The following INPP5F variants were observed in gnomAD, a reference collection of about 807,000 sequenced individuals.
The protein encoded by INPP5F is phosphatidylinositide 4-phosphatase SAC2.
A neutral mutation model predicts 137.2 loss-of-function variants in INPP5F; 97 were observed. The observed-to-expected ratio is 0.71, with a 90% CI of 0.60 to 0.84. INPP5F has a LOEUF of 0.84. Ranked by LOEUF, INPP5F falls within the 40% of genes least tolerant of loss-of-function variation. The pLI, the probability that INPP5F is intolerant of heterozygous loss-of-function variation, is 0.00. For missense variants in INPP5F, 1,271 were observed against 1,371.9 expected (o/e 0.93, Z 1.16); for synonymous variants, 504 against 476.9 (o/e 1.06, Z -0.74).
intron 3 of INPP5F, among the ~76,000 whole-genome samples, chr10:119,784,727 C>T (rs1849819571): frequency 6.6e-6 from 1 of 152,170 alleles, no homozygotes; most frequent in Non-Finnish European, 1.5e-5. Flanking sequence ...TTACAGTTCA[C>T]CCGTTTAAAG....
intron 1 of INPP5F, among the ~76,000 whole-genome samples, chr10:119,741,398 C>T (rs955735200): frequency 1.3e-5 from 2 of 152,194 alleles, no homozygotes; most frequent in African/African-American, 4.8e-5. Context: ...TTCCTGCTCC[C>T]TGTCTTATTC....
At position 119,827,625 on chromosome 10, in the gene INPP5F, G is replaced by C. The variant is rs150666479; in HGVS notation, c.3244G>C (p.Ala1082Pro). Residue 1082 changes from alanine (A) to proline (P), a missense_variant, in exon 20 of 20, where the codon GCT (alanine) becomes CCT (proline). Coordinates refer to ENST00000650623, the MANE Select transcript of INPP5F (RefSeq NM_014937.4). Reference sequence around the variant, plus strand: ...GATTCGAAGTTCCATGGTCCAGGTTGCTAGTATTACCCAAGCTGGATTAAC... The same window carrying C: ...GATTCGAAGTTCCATGGTCCAGGTTCCTAGTATTACCCAAGCTGGATTAAC... ...AKIRSSMVQV[A>P]SITQAGLTHG... 3.0e-5 allele frequency: 49 copies of C among 1,614,042 alleles called. No homozygotes were observed. The highest frequency in any genetic ancestry group is 3.7e-5 in the Non-Finnish European group (44 of 1,180,036).
At chr10:119,817,023 G>C (rs1461740449) in intron 15 of INPP5F, among the ~76,000 whole-genome samples, 1 of 152,084 alleles carries the variant, frequency 6.6e-6, no homozygotes, top group African/African-American at 2.4e-5. Flanking sequence ...CCATCCCTAA[G>C]CAACCACTAA....
intron 6 of INPP5F, among the ~76,000 whole-genome samples, chr10:119,795,451 C>T (rs192227615): frequency 0.016 from 2,339 of 149,624 alleles, 27 homozygotes; most frequent in Middle Eastern, 0.072. Flanking sequence ...GGCGGCAGGG[C>T]AGAGGTGCTC....
rs180996886 is a variant in INPP5F, at chr10:119,766,072, G to A, written c.178+14916G>A. On this transcript the variant is annotated intron_variant, in intron 2 of 19. Transcript: ENST00000650623. ...AGCCCAAAAACTGAGAATCAGGGGAGTCAGTGATGTAAGTCTCAGTTGGAA... is the reference window on the plus strand; with the variant it reads ...AGCCCAAAAACTGAGAATCAGGGGAATCAGTGATGTAAGTCTCAGTTGGAA... Among the ~76,000 whole-genome samples, 48 of 152,104 alleles carry A rather than the reference G, an allele frequency of 3.2e-4. 3 individuals carry two copies. The highest frequency in any genetic ancestry group is 1.1e-3 in the African/African-American group (47 of 41,486).
At chr10:119,802,131 C>G (rs1309799098) in intron 9 of INPP5F, among the ~76,000 whole-genome samples, 5 of 152,144 alleles carry the variant, frequency 3.3e-5, no homozygotes, top group Non-Finnish European at 5.9e-5. Flanking sequence ...TGGGGGAAGT[C>G]TCCTGGGAGG....
intron 6 of INPP5F, among the ~76,000 whole-genome samples, chr10:119,792,567 GTTTTTTTTTT>G (rs397847812): frequency 1.7e-4 from 21 of 124,640 alleles, no homozygotes; most frequent in Admixed American, 4.1e-4. Flanking sequence ...AATGGTACCA[GTTTTTTTTTT>G]TTTTTTTTTT....
In INPP5F at chr10:119,798,558, T is replaced by C; in HGVS notation, c.1064T>C (p.Val355Ala). The change falls in exon 9 of 20, where the codon GTT becomes GCT. Residue 355 changes from valine (V) to alanine (A), a missense_variant. By Grantham distance (64) the Val-to-Ala change is moderately conservative (BLOSUM62 0). Transcript: ENST00000650623. ...TTCTTTGTAGGTGAAAAGGAAACTG[T>C]TGCCTATTTCTGTGCCCATTTCGAA... ...PRLDRSEKET[V>A]AYFCAHFEEQ... is the part of the protein sequence containing the mutation. 1 of 1,612,368 alleles carries C rather than the reference T, an allele frequency of 6.2e-7. No homozygotes were observed. The highest frequency in any genetic ancestry group is 8.5e-7 in the Non-Finnish European group (1 of 1,179,160).
At chr10:119,777,857 T>TA (rs1849576469) in intron 2 of INPP5F, among the ~76,000 whole-genome samples, 1 of 152,158 alleles carries the variant, frequency 6.6e-6, no homozygotes, top group African/African-American at 2.4e-5. Context: ...CACCCTACTT[T>TA]ATAAGGAATT....
At chr10:119,788,421 A>G (rs1187290558) in intron 3 of INPP5F, among the ~76,000 whole-genome samples, 1 of 152,188 alleles carries the variant, frequency 6.6e-6, no homozygotes, top group African/African-American at 2.4e-5. Flanking sequence ...TACACCCACA[A>G]AGGAGACTGA....
In INPP5F at chr10:119,823,816, T is replaced by G. The variant is rs749379391; in HGVS notation, c.2163T>G (p.Asp721Glu). 3.7e-6 allele frequency: 6 copies of G among 1,612,516 alleles called. No homozygotes were observed. In the Admixed American group the frequency reaches 1.0e-4, roughly 27 times the overall value. ...VMRNPEEDGK[D>E]TLQCIAEMLQ... ...CAGGCAGTTATATTTGGGTTGCAGA[T>G]ACCCTTCAGTGCATTGCAGAGATGC... The change falls in exon 19 of 20, where the codon GAT becomes GAG. Residue 721 changes from aspartate (D) to glutamate (E), a missense_variant and splice_region_variant. Physicochemically the swap from Asp to Glu is conservative, Grantham distance 45. Coordinates refer to ENST00000650623, the MANE Select transcript of INPP5F (RefSeq NM_014937.4).
intron 3 of INPP5F, among the ~76,000 whole-genome samples, chr10:119,789,870 C>T (rs746157891): frequency 3.3e-5 from 5 of 151,562 alleles, no homozygotes; most frequent in South Asian, 2.1e-4. Flanking sequence ...CTGCTCAAAG[C>T]GGCAGAGGAG....
At chr10:119,733,255 T>A (rs1432877283) in intron 1 of INPP5F, among the ~76,000 whole-genome samples, 1 of 152,208 alleles carries the variant, frequency 6.6e-6, no homozygotes, top group Admixed American at 6.5e-5. Context: ...TGTTTGTTGA[T>A]CCTGTGCCTG....
chr10:119,744,522 C>A (rs1163602696), intron 1 of INPP5F, among the ~76,000 whole-genome samples: 1 of 151,422 alleles, frequency 6.6e-6, no homozygotes, highest in Non-Finnish European at 1.5e-5. Flanking sequence ...CATCTGTCTT[C>A]TTTTCCTTCT....
intron 15 of INPP5F, among the ~76,000 whole-genome samples, chr10:119,820,032 ATC>A (rs1851491591): frequency 6.6e-6 from 1 of 152,234 alleles, no homozygotes; most frequent in Admixed American, 6.5e-5. Flanking sequence ...ATGCAGAAAC[ATC>A]TCTCTTTTGC....
chr10:119,785,302 T>TTTTTTTTTG (rs1554889600), intron 3 of INPP5F, among the ~76,000 whole-genome samples: 14 of 147,632 alleles, frequency 9.5e-5, no homozygotes, highest in African/African-American at 3.5e-4. Flanking sequence ...TTTTTTTTTT[T>TTTTTTTTTG]GGAGACGGAG....
chr10:119,751,600 C>T (rs1168147014), intron 2 of INPP5F, among the ~76,000 whole-genome samples: 1 of 152,118 alleles, frequency 6.6e-6, no homozygotes. Flanking sequence ...GATCCCTATC[C>T]AGGACAGGCA....
intron 2 of INPP5F, among the ~76,000 whole-genome samples, chr10:119,776,662 CTG>C (rs34501428): frequency 1.3e-5 from 2 of 150,900 alleles, no homozygotes; most frequent in African/African-American, 2.4e-5. Context: ...GGGCCTTCCT[CTG>C]TGTGTGTGTG....
chr10:119,774,757 A>G (rs2134167598), intron 2 of INPP5F, among the ~76,000 whole-genome samples: 1 of 152,288 alleles, frequency 6.6e-6, no homozygotes, highest in East Asian at 1.9e-4. Context: ...ATGTGGCCAC[A>G]TCAGTGGACT....
Sources: gnomAD v4.1 joint callset for allele counts (sites outside exome capture counted in the v4.1 genomes callset) on GRCh38, gnomAD v4.1.1 for gene constraint, MANE v1.5 for transcripts, NCBI Gene and HGNC (gene_info 2026-07-23, HGNC 2026-07-21) for gene names.